PDSS2: variants seen among roughly 807,000 people sequenced by gnomAD.
The protein encoded by PDSS2 is decaprenyl diphosphate synthase subunit 2, also known as all trans-polyprenyl-diphosphate synthase PDSS2.
A neutral mutation model predicts 44.5 loss-of-function variants in PDSS2; 31 were observed. That is an observed-to-expected ratio of 0.70 (90% confidence interval 0.52 to 0.94). The LOEUF (loss-of-function observed/expected upper bound fraction) is 0.94, where lower values mean the gene tolerates loss of function less well. Ranked by LOEUF, PDSS2 falls within the 40% of genes least tolerant of loss-of-function variation. The probability of loss-of-function intolerance (pLI) is 0.00; values close to 1 mark genes in which losing one functional copy is unlikely to be tolerated. For synonymous variants in PDSS2, 157 were observed against 180.3 expected, an observed-to-expected ratio of 0.87 and a Z score of 1.03; for missense variants, 452 against 482.2, an observed-to-expected ratio of 0.94 and a Z score of 0.59.
chr6:107,220,364 T>C (rs1184186716), intron 4 of PDSS2, among the ~76,000 whole-genome samples: 2 of 152,146 alleles, frequency 1.3e-5, no homozygotes, highest in Non-Finnish European at 2.9e-5. Context: ...ATCATCCTCA[T>C]TTATTCATGC....
At chr6:107,426,309 C>G (rs1003211349) in intron 1 of PDSS2, among the ~76,000 whole-genome samples, 1 of 152,186 alleles carries the variant, frequency 6.6e-6, no homozygotes, top group African/African-American at 2.4e-5. Flanking sequence ...GGTGTTGAGC[C>G]TTTGAGTGTA....
intron 5 of PDSS2, among the ~76,000 whole-genome samples, chr6:107,211,503 G>T (rs544144793): frequency 6.6e-6 from 1 of 151,490 alleles, no homozygotes; most frequent in Non-Finnish European, 1.5e-5. Context: ...AGGCCAAGGC[G>T]GGCAGATCAC....
At chr6:107,184,057 A>G (rs980256164) in intron 7 of PDSS2, among the ~76,000 whole-genome samples, 1 of 152,206 alleles carries the variant, frequency 6.6e-6, no homozygotes, top group Non-Finnish European at 1.5e-5. Context: ...GGGCTAGAGA[A>G]AATGAGAGAT....
At chr6:107,218,830 G>A (rs1173500271) in intron 4 of PDSS2, among the ~76,000 whole-genome samples, 3 of 152,286 alleles carry the variant, frequency 2.0e-5, no homozygotes, top group African/African-American at 7.2e-5. Flanking sequence ...GGCCAAGGCG[G>A]CCGGATCACC....
intron 7 of PDSS2, among the ~76,000 whole-genome samples, chr6:107,188,178 G>A (rs1772241426): frequency 6.6e-6 from 1 of 152,132 alleles, no homozygotes; most frequent in African/African-American, 2.4e-5. Flanking sequence ...AGGAGTTCGA[G>A]ACCAGCCTGA....
chr6:107,450,278 T>C (rs1781824644), intron 1 of PDSS2, among the ~76,000 whole-genome samples: 1 of 152,088 alleles, frequency 6.6e-6, no homozygotes, highest in African/African-American at 2.4e-5. Context: ...TGGGAAATAA[T>C]TAAAGACAGA....
intron 6 of PDSS2, chr6:107,197,973 C>A (rs1282772979): frequency 2.1e-6 from 1 of 466,384 alleles, no homozygotes; most frequent in East Asian, 6.9e-5. Context: ...CTGCATTGAG[C>A]CACCTCCCAC....
intron 4 of PDSS2, chr6:107,229,783 A>T (rs575043811): frequency 6.6e-6 from 1 of 152,454 alleles, no homozygotes; most frequent in South Asian, 2.1e-4. Flanking sequence ...TATCTGGTCC[A>T]GGAAGTTCAT....
intron 1 of PDSS2, among the ~76,000 whole-genome samples, chr6:107,411,879 CTTTTTTTTTTTTT>C (rs145161415): frequency 4.3e-5 from 4 of 93,882 alleles, no homozygotes; most frequent in Non-Finnish European, 6.2e-5. Context: ...TCTTCTTCTT[CTTTTTTTTTTTTT>C]TTTTTTTTTT....
At chr6:107,241,471 C>T (rs1412898482) in intron 4 of PDSS2, among the ~76,000 whole-genome samples, 11 of 150,488 alleles carry the variant, frequency 7.3e-5, no homozygotes, top group African/African-American at 2.2e-4. Flanking sequence ...CTCAGCCTCC[C>T]GAGTAGCTGG....
At chr6:107,345,916 T>G (rs1307166134) in intron 1 of PDSS2, among the ~76,000 whole-genome samples, 2 of 152,082 alleles carry the variant, frequency 1.3e-5, no homozygotes, top group African/African-American at 4.8e-5. Context: ...ACAGAAAAAT[T>G]TCCACCAGAG....
Position 107,311,195 on chromosome 6 carries a change from C to CTT in PDSS2, c.431+23001_431+23002dup, listed in dbSNP as rs35780982. Among the ~76,000 whole-genome samples, 636 of 128,226 alleles carry CTT rather than the reference C, an allele frequency of 5.0e-3. 9 individuals are homozygous for CTT. Among genetic ancestry groups the CTT allele is most frequent in the Middle Eastern group, 0.013 (3 of 238 alleles). The allele number at this position is 128,226 out of a possible 152,430, so 84.1% of individuals were successfully genotyped here. On this transcript the variant is annotated intron_variant, in intron 2 of 7. Transcript: ENST00000369037. ...GCTCCCAAAATGCCACCACAACCAG[C>CTT]TTTTTTTTTTTTTTTTTTGAGACAG...
chr6:107,413,753 G>A (rs1390807195), intron 1 of PDSS2, among the ~76,000 whole-genome samples: 1 of 152,102 alleles, frequency 6.6e-6, no homozygotes, highest in Non-Finnish European at 1.5e-5. Context: ...GCGTGATACA[G>A]GAATGCATAG....
At chr6:107,245,517 C>T (rs1432212364) in intron 4 of PDSS2, 31 bp downstream of exon 4, 1 of 1,135,018 alleles carries the variant, frequency 8.8e-7, no homozygotes, top group Non-Finnish European at 1.3e-6. Context: ...CGGTTTATAA[C>T]ATAACATTTT....
At chr6:107,383,782 T>C (rs1346298754) in intron 1 of PDSS2, among the ~76,000 whole-genome samples, 2 of 152,076 alleles carry the variant, frequency 1.3e-5, no homozygotes, top group Non-Finnish European at 2.9e-5. Context: ...AGACCAACAA[T>C]AGCAATTGTT....
intron 3 of PDSS2, among the ~76,000 whole-genome samples, chr6:107,257,279 C>T (rs994935753): frequency 3.9e-5 from 6 of 152,028 alleles, no homozygotes; most frequent in Admixed American, 3.9e-4. Context: ...TGGCTCATGC[C>T]TGTAATCCCA....
At chr6:107,402,134 G>C (rs1780124716) in intron 1 of PDSS2, among the ~76,000 whole-genome samples, 1 of 151,760 alleles carries the variant, frequency 6.6e-6, no homozygotes, top group African/African-American at 2.4e-5. Context: ...CAAAAAATTA[G>C]CCAGCTGTGG....
chr6:107,260,352 C>T (rs995898173), intron 3 of PDSS2, among the ~76,000 whole-genome samples: 3 of 152,172 alleles, frequency 2.0e-5, no homozygotes, highest in East Asian at 1.9e-4. Flanking sequence ...TTTTTTGTTG[C>T]GTATTTACAA....
At chr6:107,445,827 C>G (rs1382263913) in intron 1 of PDSS2, among the ~76,000 whole-genome samples, 1 of 152,124 alleles carries the variant, frequency 6.6e-6, no homozygotes, top group Non-Finnish European at 1.5e-5. Context: ...GAAACTAAAG[C>G]CCAGAGAGAT....
Sources: gnomAD v4.1 joint callset for allele counts (sites outside exome capture counted in the v4.1 genomes callset) on GRCh38, gnomAD v4.1.1 for gene constraint, MANE v1.5 for transcripts, NCBI Gene and HGNC (gene_info 2026-07-23, HGNC 2026-07-21) for gene names.